SLC8A3: variants seen among roughly 807,000 people sequenced by gnomAD.
SLC8A3 encodes solute carrier family 8 member A3, also known as sodium/calcium exchanger 3.
In SLC8A3, 37 loss-of-function variants were observed where a neutral mutation model predicts 65.4. That is an observed-to-expected ratio of 0.57 (90% confidence interval 0.44 to 0.74). The LOEUF is 0.74. Among genes scored for constraint, SLC8A3 ranks in the 30% least tolerant of loss-of-function variants. SLC8A3 has a pLI of 0.00. For missense variants in SLC8A3, 1,112 were observed against 1,172.1 expected, an observed-to-expected ratio of 0.95 and a Z score of 0.75; for synonymous variants, 461 against 444.5, an observed-to-expected ratio of 1.04 and a Z score of -0.47.
At chr14:70,099,531 G>C (rs934635499) in intron 2 of SLC8A3, among the ~76,000 whole-genome samples, 4 of 152,206 alleles carry the variant, frequency 2.6e-5, no homozygotes, top group Non-Finnish European at 5.9e-5. Flanking sequence ...TGGGCTAAGA[G>C]TGCCTGTCTC....
At chr14:70,080,417 A>G (rs1890951861) in intron 2 of SLC8A3, among the ~76,000 whole-genome samples, 1 of 152,150 alleles carries the variant, frequency 6.6e-6, no homozygotes, top group Non-Finnish European at 1.5e-5. Context: ...AGGAGACAGG[A>G]GGAGGCAGTG....
intron 2 of SLC8A3, among the ~76,000 whole-genome samples, chr14:70,103,794 A>G (rs1892685536): frequency 6.6e-6 from 1 of 152,080 alleles, no homozygotes; most frequent in African/African-American, 2.4e-5. Context: ...TTTAACTCCA[A>G]CTGTATTGAT....
rs1372814841 is a variant in SLC8A3 at position 70,045,650 on chromosome 14, A to G, written c.*297T>C. ...GAATAGAAGGAGGCGAAAGGCTCTG[A>G]CCTTTGCTTTGGGTCAGGGATATGA... On this transcript the variant is annotated 3_prime_UTR_variant, in exon 7 of 7. Coordinates refer to ENST00000356921, the MANE Select transcript of SLC8A3 (RefSeq NM_182932.3). The G allele has an allele frequency of 1.7e-5, 5 of 293,528 alleles. No homozygotes were observed. The highest frequency in any genetic ancestry group is 1.1e-4 in the African/African-American group (5 of 47,238). The allele number at this position is 293,528 out of a possible 1,614,324, so 18.2% of individuals were successfully genotyped here.
intron 3 of SLC8A3, chr14:70,055,831 C>T (rs188504875): frequency 3.0e-5 from 48 of 1,607,476 alleles, no homozygotes; most frequent in Middle Eastern, 3.3e-4. Context: ...CAAATGGATA[C>T]CAGAAAAATG....
chr14:70,072,820 G>A (rs1207838435), intron 2 of SLC8A3, among the ~76,000 whole-genome samples: 2 of 152,090 alleles, frequency 1.3e-5, no homozygotes, highest in African/African-American at 4.8e-5. Flanking sequence ...GCTAATTTTT[G>A]TATTTTTAGT....
chr14:70,171,254 G>T (rs1001269774), intron 1 of SLC8A3, among the ~76,000 whole-genome samples: 2 of 152,122 alleles, frequency 1.3e-5, no homozygotes, highest in Non-Finnish European at 2.9e-5. Context: ...GAAGAGAGCC[G>T]GTCTTCCAGA....
chr14:70,134,590 A>G (rs1233372865), intron 2 of SLC8A3, among the ~76,000 whole-genome samples: 3 of 152,128 alleles, frequency 2.0e-5, no homozygotes, highest in Non-Finnish European at 4.4e-5. Context: ...AAGATGTCTA[A>G]TCTCCATCCA....
intron 2 of SLC8A3, among the ~76,000 whole-genome samples, chr14:70,068,945 T>C (rs1280906490): frequency 1.3e-5 from 2 of 152,172 alleles, no homozygotes; most frequent in Non-Finnish European, 2.9e-5. Flanking sequence ...CTCAAACTCT[T>C]GGGCTCAAGC....
Position 70,125,663 on chromosome 14 carries a change from T to C in SLC8A3, c.1784+40976A>G, listed in dbSNP as rs1459764838. Reference sequence around the variant, plus strand: ...TTTGAGTGCAGGTATCTTTTTTATATAATAATTTATCTTCCTTTGGGTAGA... The same window carrying C: ...TTTGAGTGCAGGTATCTTTTTTATACAATAATTTATCTTCCTTTGGGTAGA... On this transcript the variant is annotated intron_variant, in intron 2 of 6. Coordinates refer to ENST00000356921, the MANE Select transcript of SLC8A3 (RefSeq NM_182932.3). Among the ~76,000 whole-genome samples, 5 of 152,332 alleles carry C rather than the reference T, an allele frequency of 3.3e-5. No individual in the cohort carries two copies. The East Asian group carries it at 9.6e-4, about 29-fold the overall frequency.
intron 2 of SLC8A3, among the ~76,000 whole-genome samples, chr14:70,131,224 G>GC (rs1894810554): frequency 6.6e-6 from 1 of 152,176 alleles, no homozygotes; most frequent in Non-Finnish European, 1.5e-5. Context: ...TTGGACTGCA[G>GC]AAGGCCAAGG....
Position 70,055,855 on chromosome 14 carries a change from GA to G in SLC8A3, c.1889-3742del, listed in dbSNP as rs1448388834. Reference sequence around the variant, plus strand: ...ACCAGAAAAATGGAAGAAAGAAAAGGAAAGAGCATTAATGTCCCATCTTGAA... The same window carrying G: ...ACCAGAAAAATGGAAGAAAGAAAAGGAAGAGCATTAATGTCCCATCTTGAA... On this transcript the variant is annotated intron_variant, in intron 3 of 6. Coordinates refer to ENST00000356921, the MANE Select transcript of SLC8A3 (RefSeq NM_182932.3). The G allele has an allele frequency of 2.5e-6, 4 of 1,588,342 alleles. No individual in the cohort carries two copies. In the Admixed American group the frequency reaches 5.2e-5, roughly 20 times the overall value.
At chr14:70,048,237 T>G (rs2139690692) in intron 6 of SLC8A3, 1 of 202,006 alleles carries the variant, frequency 5.0e-6, no homozygotes, top group Middle Eastern at 2.1e-3. Flanking sequence ...ACAGTGTCCT[T>G]CCAAGTAGAG....
chr14:70,050,942 G>T, intron 5 of SLC8A3, 66 bp downstream of exon 5: 1 of 994,832 alleles, frequency 1.0e-6, no homozygotes, highest in Non-Finnish European at 1.6e-6. Flanking sequence ...TGTTAACGTG[G>T]CTTTACGCTT....
chr14:70,177,631 G>A (rs1261193077), intron 1 of SLC8A3, among the ~76,000 whole-genome samples: 1 of 152,192 alleles, frequency 6.6e-6, no homozygotes, highest in Non-Finnish European at 1.5e-5. Flanking sequence ...ATGGAAGCCC[G>A]AACAAGCAGC....
At chr14:70,156,527 T>C (rs1274984225) in intron 2 of SLC8A3, among the ~76,000 whole-genome samples, 1 of 152,190 alleles carries the variant, frequency 6.6e-6, no homozygotes, top group East Asian at 1.9e-4. Context: ...GGATGGCCAC[T>C]ACTCATTGAC....
At chr14:70,180,650 G>A (rs74062832) in intron 1 of SLC8A3, among the ~76,000 whole-genome samples, 15,681 of 152,214 alleles carry the variant, frequency 0.1, 1,085 homozygotes, top group African/African-American at 0.19. Flanking sequence ...GAGCAGAGTG[G>A]TTTTACTAGA....
At chr14:70,129,325 G>A (rs1036429265) in intron 2 of SLC8A3, among the ~76,000 whole-genome samples, 22 of 152,114 alleles carry the variant, frequency 1.4e-4, no homozygotes, top group African/African-American at 5.3e-4. Flanking sequence ...GGTGAAGGAG[G>A]GCTAAATAAC....
chr14:70,167,629 T>C lies in SLC8A3; in HGVS notation c.794A>G (p.Tyr265Cys). The C allele has an allele frequency of 1.2e-6, 2 of 1,614,160 alleles. No homozygotes were observed. Among genetic ancestry groups the C allele is most frequent in the Non-Finnish European group, 1.7e-6 (2 of 1,180,028 alleles). Residue 265 changes from tyrosine to cysteine, a missense_variant, in exon 2 of 7, where the codon TAC becomes TGC. Coordinates refer to ENST00000356921, the MANE Select transcript of SLC8A3 (RefSeq NM_182932.3). Reference protein sequence around the residue: ...LLFYKYMHKKYRTDKHRGIII... With the variant: ...LLFYKYMHKKCRTDKHRGIII... ...AATTCCTCGGTGTTTGTCTGTGCGG[T>C]ACTTTTTGTGCATGTATTTGTAGAA...
In SLC8A3 at chr14:70,046,102, T is replaced by A; in HGVS notation, c.2611A>T (p.Ser871Cys). 1 of 1,614,132 alleles carries A rather than the reference T, an allele frequency of 6.2e-7. No individual in the cohort carries two copies. Among genetic ancestry groups the A allele is most frequent in the Non-Finnish European group, 8.5e-7 (1 of 1,180,000 alleles). Residue 871 changes from serine (S) to cysteine (C), a missense_variant, in exon 7 of 7, where the codon AGC becomes TGC. Ser to Cys is a moderately radical substitution (Grantham distance 112, BLOSUM62 -1). Coordinates refer to ENST00000356921, the MANE Select transcript of SLC8A3 (RefSeq NM_182932.3). This position sits in a 1 kb window ranked among gnomAD's most constrained non-coding sequence, Gnocchi z 4.2. ...GGCCGCCTTCGGTACAAGAGCACGC[T>A]GATGCAGACAAATGCAAAGATGGTG... The part of the protein sequence containing the change: ...LFTIFAFVCI[S>C]VLLYRRRPHL...
Sources: allele counts gnomAD v4.1 joint callset (sites outside exome capture counted in the v4.1 genomes callset), GRCh38; gene constraint gnomAD v4.1.1; non-coding constraint Gnocchi (gnomAD v3.1); transcripts MANE v1.5; gene names NCBI Gene and HGNC (gene_info 2026-07-23, HGNC 2026-07-21).